CDC25A: variants seen among roughly 807,000 people sequenced by gnomAD.
CDC25A encodes M-phase inducer phosphatase 1.
Under a neutral mutation model 64.6 loss-of-function variants are expected in CDC25A, and 17 were observed. That is an observed-to-expected ratio of 0.26 (90% confidence interval 0.18 to 0.39). The LOEUF (loss-of-function observed/expected upper bound fraction) is 0.39, where lower values mean the gene tolerates loss of function less well. Among genes scored for constraint, CDC25A ranks in the 10% least tolerant of loss-of-function variants. The probability of loss-of-function intolerance (pLI) is 1.00; values close to 1 mark genes in which losing one functional copy is unlikely to be tolerated. For missense variants in CDC25A, 473 were observed against 654.8 expected (o/e 0.72, Z 3.03); for synonymous variants, 229 against 238.6 (o/e 0.96, Z 0.37).
intron 10 of CDC25A, 122 bp downstream of exon 10, chr3:48,167,724 T>C (rs2032083341): frequency 3.1e-6 from 2 of 648,366 alleles, no homozygotes; most frequent in Non-Finnish European, 5.7e-6. Flanking sequence ...TTTAACATTC[T>C]TTTAACTGTG....
intron 9 of CDC25A, among the ~76,000 whole-genome samples, chr3:48,168,759 G>T (rs1006363345): frequency 2.0e-5 from 3 of 151,596 alleles, no homozygotes; most frequent in African/African-American, 4.9e-5. Context: ...AGGTTCAAGC[G>T]ATTCTGCCGC....
In CDC25A at chr3:48,176,493, T is replaced by C. The variant is rs569015159; in HGVS notation, c.756+878A>G. On this transcript the variant is annotated intron_variant, in intron 8 of 14. Transcript: ENST00000302506. The stretch of plus-strand genomic sequence containing the variant: ...GCTTTCTGTTTGAAAGTATCCCTGA[T>C]GGAAACACAAATCTATACTGTGTAT... Among the ~76,000 whole-genome samples, 28 of 146,482 alleles carry C rather than the reference T, an allele frequency of 1.9e-4. No individual in the cohort carries two copies. In the South Asian group the frequency reaches 4.9e-3, roughly 26 times the overall value.
In CDC25A at chr3:48,184,662, C is replaced by T; in HGVS notation, c.281G>A (p.Ser94Asn). The T allele has an allele frequency of 6.3e-7, 1 of 1,592,084 alleles. No homozygotes were observed. The highest frequency in any genetic ancestry group is 8.5e-7 in the Non-Finnish European group (1 of 1,171,736). The part of the protein sequence containing the change: ...FCLDSPGPLD[S>N]KENLENPMRR... Reference sequence around the variant, plus strand: ...AGCAGTGAATACATACTTTTCTTTACTGTCCAATGGCCCAGGAGAATCTAG... The same window carrying T: ...AGCAGTGAATACATACTTTTCTTTATTGTCCAATGGCCCAGGAGAATCTAG... Residue 94 changes from serine to asparagine, a missense_variant, in exon 3 of 15, where the codon AGT becomes AAT. This residue lies in a region of CDC25A where 376 missense variants were observed against 431.9 expected (regional missense o/e 0.87). Coordinates refer to ENST00000302506, the MANE Select transcript of CDC25A (RefSeq NM_001789.3).
chr3:48,180,908 G>T, intron 5 of CDC25A, 68 bp from the exon 6 acceptor site: 1 of 1,545,808 alleles, frequency 6.5e-7, no homozygotes, highest in Non-Finnish European at 8.9e-7. Context: ...GGGTGAAAGA[G>T]GCAAGAAAGT....
chr3:48,178,253 T>A (rs1033546536), intron 6 of CDC25A, among the ~76,000 whole-genome samples: 1 of 152,180 alleles, frequency 6.6e-6, no homozygotes, highest in African/African-American at 2.4e-5. Context: ...AGATAGCCTC[T>A]TGTGAAGAAC....
chr3:48,180,948 T>G (rs1380261460), intron 5 of CDC25A, 108 bp from the exon 6 acceptor site: 1 of 1,043,844 alleles, frequency 9.6e-7, no homozygotes, highest in Admixed American at 2.2e-5. Flanking sequence ...GCCTCCAAAT[T>G]AAAGTTTCAC....
At chr3:48,176,971 CA>C (rs879773431) in intron 8 of CDC25A, among the ~76,000 whole-genome samples, 81 of 123,434 alleles carry the variant, frequency 6.6e-4, no homozygotes, top group South Asian at 5.1e-4. Flanking sequence ...GACTCCGTCT[CA>C]AAAAAAAAAA....
chr3:48,178,216 A>C (rs1020506784), intron 6 of CDC25A, among the ~76,000 whole-genome samples: 1 of 152,236 alleles, frequency 6.6e-6, no homozygotes, highest in Non-Finnish European at 1.5e-5. Context: ...TCTTGCCAGA[A>C]GCAATTCACC....
intron 13 of CDC25A, chr3:48,161,248 G>C (rs2031749980): frequency 6.4e-6 from 1 of 157,132 alleles, no homozygotes; most frequent in Admixed American, 6.3e-5. Flanking sequence ...ACTCAAGTGG[G>C]GAACGAAGTG....
In CDC25A at chr3:48,186,732, C is replaced by G. The variant is rs1380293119; in HGVS notation, c.218G>C (p.Arg73Thr). 6.2e-7 allele frequency: 1 copy of G among 1,602,750 alleles called. No individual in the cohort carries two copies. Among genetic ancestry groups the G allele is most frequent in the Non-Finnish European group, 8.5e-7 (1 of 1,172,754 alleles). The change falls in exon 2 of 15, where the codon AGA becomes ACA. Residue 73 changes from arginine (R) to threonine (T), a missense_variant. Physicochemically the swap from Arg to Thr is moderately conservative, Grantham distance 71 (BLOSUM62 -1). Coordinates refer to ENST00000302506, the MANE Select transcript of CDC25A (RefSeq NM_001789.3). ...ATCTGTTGACTCGGAGGAGCCCATT[C>G]TCTGCAGATTACTGTTGTTCTTCAC... The part of the protein sequence containing the change: ...LEVKNNSNLQ[R>T]MGSSESTDSG...
intron 10 of CDC25A, 92 bp downstream of exon 10, chr3:48,167,754 G>A: frequency 1.4e-6 from 1 of 739,372 alleles, no homozygotes; most frequent in Admixed American, 2.0e-5. Flanking sequence ...AGGTATGCCA[G>A]GAACCACCCT....
chr3:48,158,789 C>T lies in CDC25A; in HGVS notation c.*156G>A, dbSNP rs2031629460. 1.1e-6 allele frequency: 1 copy of T among 879,722 alleles called. No individual in the cohort carries two copies. The highest frequency in any genetic ancestry group is 1.7e-5 in the African/African-American group (1 of 59,842). The allele number at this position is 879,722 out of a possible 1,614,324, so 54.5% of individuals were successfully genotyped here. A position where few individuals can be genotyped will look rare whatever the true frequency, so the allele number is the denominator to read the frequency against. On this transcript the variant is annotated 3_prime_UTR_variant, in exon 15 of 15. Coordinates refer to ENST00000302506, the MANE Select transcript of CDC25A (RefSeq NM_001789.3). Reference sequence around the variant, plus strand: ...GCCAGCAAGATGCCCTGGGCTCCAACCTTGGGAGTGTGGGAGGTAGGTTTA... The same window carrying T: ...GCCAGCAAGATGCCCTGGGCTCCAATCTTGGGAGTGTGGGAGGTAGGTTTA...
chr3:48,179,647 A>G (rs2032590304), intron 6 of CDC25A, among the ~76,000 whole-genome samples: 3 of 152,148 alleles, frequency 2.0e-5, no homozygotes, highest in Admixed American at 6.5e-5. Flanking sequence ...GATTACAGCC[A>G]TGAGCCACCA....
At chr3:48,179,604 T>C (rs996985447) in intron 6 of CDC25A, among the ~76,000 whole-genome samples, 4 of 152,170 alleles carry the variant, frequency 2.6e-5, no homozygotes, top group African/African-American at 7.2e-5. Context: ...TGACCTCATG[T>C]GATCCTCCCA....
In CDC25A at chr3:48,187,860, G is replaced by C; in HGVS notation, c.88C>G (p.Leu30Val). The change falls in exon 1 of 15, where the codon CTA becomes GTA. Residue 30 changes from leucine to valine, a missense_variant. Around this residue, in one of 2 missense-constraint regions of CDC25A, gnomAD observed 376 missense variants for 431.9 expected, o/e 0.87. Coordinates refer to ENST00000302506, the MANE Select transcript of CDC25A (RefSeq NM_001789.3). ...PPASQPVVKA[L>V]FGASAAGGLS... ...CCCCCGGCGGCTGAAGCGCCAAATA[G>C]CGCCTTCACGACGGGCTGCGACGCG... 2 of 1,548,722 alleles carry C rather than the reference G, an allele frequency of 1.3e-6. No individual in the cohort carries two copies. The highest frequency in any genetic ancestry group is 1.7e-6 in the Non-Finnish European group (2 of 1,146,088).
chr3:48,188,236 A>C lies in CDC25A; in HGVS notation c.-289T>G. The stretch of plus-strand genomic sequence containing the variant: ...GCAACCTGAAGATTAAATCCAAACA[A>C]ACGTGGCGGGTCGGCAAGAGAAGCC... On this transcript the variant is annotated 5_prime_UTR_variant, in exon 1 of 15. Coordinates refer to ENST00000302506, the MANE Select transcript of CDC25A (RefSeq NM_001789.3). 8.4e-5 allele frequency: 22 copies of C among 261,308 alleles called. No homozygotes were observed. The highest frequency in any genetic ancestry group is 2.1e-4 in the East Asian group (3 of 14,212). 16.2% of individuals were successfully genotyped at this position (261,308 alleles called of 1,614,324 possible).
At chr3:48,177,728 G>T in intron 7 of CDC25A, 126 bp downstream of exon 7, 1 of 1,095,494 alleles carries the variant, frequency 9.1e-7, no homozygotes. Context: ...ATCACCAAAT[G>T]AACAAAAATA....
In CDC25A at chr3:48,165,912, T is replaced by A. The variant is rs2031993979; in HGVS notation, c.1030-19A>T. 1 of 1,469,964 alleles carries A rather than the reference T, an allele frequency of 6.8e-7. No individual in the cohort carries two copies. Among genetic ancestry groups the A allele is most frequent in the Non-Finnish European group, 9.5e-7 (1 of 1,050,008 alleles). The allele number at this position is 1,469,964 out of a possible 1,614,324, so 91.1% of individuals were successfully genotyped here. ...GATAACCCTTAAAAAGAAAAAAAGA[T>A]ACTTAGAGAATCTGAAAGCCTATAT... On this transcript the variant is annotated intron_variant, in intron 10 of 14. Coordinates refer to ENST00000302506, the MANE Select transcript of CDC25A (RefSeq NM_001789.3).
At chr3:48,161,314 G>C (rs1241569665) in intron 13 of CDC25A, 1 of 154,494 alleles carries the variant, frequency 6.5e-6, no homozygotes, top group East Asian at 1.9e-4. Flanking sequence ...ACAGAATACA[G>C]AGATGGGGCG....
Sources: allele counts gnomAD v4.1 joint callset (sites outside exome capture counted in the v4.1 genomes callset), GRCh38; gene constraint gnomAD v4.1.1; regional missense constraint gnomAD v4.1.1; transcripts MANE v1.5; gene names NCBI Gene and HGNC (gene_info 2026-07-23, HGNC 2026-07-21).